Variants in ZFP57 observed in about 807,000 individuals in gnomAD.
The protein encoded by ZFP57 is ZFP57 zinc finger protein, also known as zinc finger protein 57 homolog.
Under a neutral mutation model 15.8 loss-of-function variants are expected in ZFP57, and 12 were observed. The ratio of observed to expected loss-of-function variants is 0.76; its 90% confidence interval spans 0.49 to 1.23. The LOEUF (loss-of-function observed/expected upper bound fraction) is 1.23. ZFP57 is among the 50% of genes most tolerant of loss of function. The probability of loss-of-function intolerance (pLI) is 0.00; values close to 1 mark genes in which losing one functional copy is unlikely to be tolerated. For synonymous variants in ZFP57, 203 were observed against 242.3 expected (o/e 0.84, Z 1.51); for missense variants, 536 against 654.9 (o/e 0.82, Z 1.98).
chr6:29,675,904 G>A (rs961664355), intron 3 of ZFP57, 29 bp downstream of exon 3: 5 of 1,612,954 alleles, frequency 3.1e-6, no homozygotes, highest in Non-Finnish European at 4.2e-6. Flanking sequence ...TAGGACAGGG[G>A]GCTTGCTGAG....
In ZFP57 at chr6:29,673,288, T is replaced by G; in HGVS notation, c.823A>C (p.Lys275Gln). Residue 275 changes from lysine to glutamine, a missense_variant, in exon 5 of 5, where the codon AAA becomes CAA. Coordinates refer to ENST00000376883, the MANE Select transcript of ZFP57 (RefSeq NM_001109809.5). This position sits in a 1 kb window ranked among gnomAD's most constrained non-coding sequence, Gnocchi z 4.7. ...TTTTGGTGTATCTTCTGGTGGCGTT[T>G]GAGCTCAGACTGGTCCCGGAAGCTC... Reference protein sequence around the residue: ...GKSFRDQSELKRHQKIHQNQE... With the variant: ...GKSFRDQSELQRHQKIHQNQE... The G allele has an allele frequency of 6.2e-7, 1 of 1,613,038 alleles. No individual in the cohort carries two copies. Among genetic ancestry groups the G allele is most frequent in the Non-Finnish European group, 8.5e-7 (1 of 1,180,034 alleles).
At position 29,673,078 on chromosome 6, in the gene ZFP57, C is replaced by G. The variant is rs200537697; in HGVS notation, c.1033G>C (p.Ala345Pro). ...RTEGPMAQNQ[A>P]SVLKNQAPVT... The stretch of plus-strand genomic sequence containing the variant: ...GGTGCTTGGTTCTTAAGTACAGATG[C>G]CTGGTTCTGGGCCATAGGACCCTCA... Residue 345 changes from alanine (A) to proline (P), a missense_variant, in exon 5 of 5, where the codon GCA (alanine) becomes CCA (proline). Transcript: ENST00000376883. This position sits in a 1 kb window ranked among gnomAD's most constrained non-coding sequence, Gnocchi z 4.7. 1.3e-3 allele frequency: 2,175 copies of G among 1,612,966 alleles called. 13 individuals carry two copies. Among genetic ancestry groups the G allele is most frequent in the Middle Eastern group, 0.012 (72 of 6,062 alleles).
intron 1 of ZFP57, among the ~76,000 whole-genome samples, chr6:29,679,915 A>C (rs988099843): frequency 1.5e-4 from 21 of 141,734 alleles, no homozygotes; most frequent in African/African-American, 2.9e-4. Flanking sequence ...ACAAACAAAA[A>C]AAAACGCCTT....
At chr6:29,675,845 A>G in intron 3 of ZFP57, 88 bp downstream of exon 3, 1 of 1,553,200 alleles carries the variant, frequency 6.4e-7, no homozygotes, top group Non-Finnish European at 8.9e-7. Context: ...AGTGAAACTA[A>G]TTGTAAGCTG....
chr6:29,673,148 C>T lies in ZFP57; in HGVS notation c.963G>A (p.Val321=). The T allele has an allele frequency of 1.9e-6, 3 of 1,612,950 alleles. No homozygotes were observed. Among genetic ancestry groups the T allele is most frequent in the Non-Finnish European group, 2.5e-6 (3 of 1,180,002 alleles). Residue 321 remains valine (V), a synonymous_variant, in exon 5 of 5, where the codon GTG becomes GTA. Transcript: ENST00000376883. This position sits in a 1 kb window ranked among gnomAD's most constrained non-coding sequence, Gnocchi z 4.7. ...SQRSIQGLLD[V]NHAPVARSQE... The stretch of plus-strand genomic sequence containing the variant: ...GGGACCTGGCCACTGGTGCATGGTT[C>T]ACATCCAAAAGCCCCTGGATGGACC...
Position 29,676,068 on chromosome 6 carries a change from A to G in ZFP57, c.124-9T>C. On this transcript the variant is annotated splice_polypyrimidine_tract_variant and intron_variant, in intron 2 of 4. Transcript: ENST00000376883. ...TCAAAGGTGACTGGCTTCTGGAAGA[A>G]CAGGAGAGACTCAAGAAGTTTATAT... The G allele has an allele frequency of 1.9e-6, 3 of 1,592,146 alleles. No homozygotes were observed. The highest frequency in any genetic ancestry group is 2.6e-6 in the Non-Finnish European group (3 of 1,168,516).
At position 29,673,637 on chromosome 6, in the gene ZFP57, C is replaced by A. The variant is rs764303925; in HGVS notation, c.474G>T (p.Gly158=). 1.2e-6 allele frequency: 2 copies of A among 1,612,650 alleles called. No homozygotes were observed. The highest frequency in any genetic ancestry group is 4.5e-5 in the East Asian group (2 of 44,894). ...AGQCPLSAPA[G]TMDRTRVLQA... ...GAAGCACCCGGGTCCTGTCCATAGT[C>A]CCAGCTGGGGCAGATAGGGGGCACT... is the stretch of plus-strand genomic sequence containing the variant. The change falls in exon 5 of 5, where the codon GGG becomes GGT. Residue 158 remains glycine, a synonymous_variant. Coordinates refer to ENST00000376883, the MANE Select transcript of ZFP57 (RefSeq NM_001109809.5). The surrounding 1 kb of genome is among the most constrained non-coding windows in gnomAD (Gnocchi z 4.7).
chr6:29,673,978 C>T lies in ZFP57; in HGVS notation c.353-220G>A, dbSNP rs994652944. Among the ~76,000 whole-genome samples, 1 of 152,028 alleles carries T rather than the reference C, an allele frequency of 6.6e-6. No individual in the cohort carries two copies. Among genetic ancestry groups the T allele is most frequent in the East Asian group, 1.9e-4 (1 of 5,166 alleles). Reference sequence around the variant, plus strand: ...GCGTCATGGCATCTGCCTGTAATCTCAGCTACTAGGGAGACTGAGGCAGGA... The same window carrying T: ...GCGTCATGGCATCTGCCTGTAATCTTAGCTACTAGGGAGACTGAGGCAGGA... On this transcript the variant is annotated intron_variant, in intron 4 of 4. Transcript: ENST00000376883. The surrounding 1 kb of genome is among the most constrained non-coding windows in gnomAD (Gnocchi z 4.7).
Position 29,673,838 on chromosome 6 carries a change from A to G in ZFP57, c.353-80T>C, listed in dbSNP as rs1269231168. 7.6e-6 allele frequency: 12 copies of G among 1,569,800 alleles called. No homozygotes were observed. Among genetic ancestry groups the G allele is most frequent in the Non-Finnish European group, 1.0e-5 (12 of 1,143,034 alleles). On this transcript the variant is annotated intron_variant, in intron 4 of 4. Coordinates refer to ENST00000376883, the MANE Select transcript of ZFP57 (RefSeq NM_001109809.5). The surrounding 1 kb of genome is among the most constrained non-coding windows in gnomAD (Gnocchi z 4.7). ...GCTTGGCATGGTGGCTCACACCTGT[A>G]ATCCCAGCACTTTGGGAGGCCGAGG...
chr6:29,675,045 C>T (rs1225140513), intron 4 of ZFP57, among the ~76,000 whole-genome samples: 1 of 150,842 alleles, frequency 6.6e-6, no homozygotes, highest in African/African-American at 2.4e-5. Flanking sequence ...CCCAGCTACT[C>T]GAGAGGCTGA....
At chr6:29,676,096 A>ATGTGTGTGTGTGTG in intron 2 of ZFP57, 37 bp from the exon 3 acceptor site, 7 of 1,066,842 alleles carry the variant, frequency 6.6e-6, no homozygotes, top group Non-Finnish European at 9.0e-6. Flanking sequence ...GTTTATATAA[A>ATGTGTGTGTGTGTG]TATATATGTG....
At chr6:29,674,395 T>C (rs1171875236) in intron 4 of ZFP57, among the ~76,000 whole-genome samples, 1 of 152,214 alleles carries the variant, frequency 6.6e-6, no homozygotes, top group Non-Finnish European at 1.5e-5. Flanking sequence ...AATTGGCTTT[T>C]CAAATTAGAA....
chr6:29,676,100 A>G lies in ZFP57; in HGVS notation c.124-41T>C, dbSNP rs2535240. On this transcript the variant is annotated intron_variant, in intron 2 of 4. Coordinates refer to ENST00000376883, the MANE Select transcript of ZFP57 (RefSeq NM_001109809.5). ...AGACTCAAGAAGTTTATATAAATAT[A>G]TATGTGTGTGTGTGTGTGTGTGTGT... 195,058 of 1,257,214 alleles carry G rather than the reference A, an allele frequency of 0.16. 22,036 individuals are homozygous for G. The highest frequency in any genetic ancestry group is 0.32 in the East Asian group (12,592 of 39,174). 77.9% of individuals were successfully genotyped at this position (1,257,214 alleles called of 1,614,324 possible).
At chr6:29,680,711 T>C (rs1234300917) in intron 1 of ZFP57, among the ~76,000 whole-genome samples, 4 of 152,202 alleles carry the variant, frequency 2.6e-5, no homozygotes, top group African/African-American at 9.6e-5. Context: ...AGCAGGCGCT[T>C]GTTAGCACCC....
At chr6:29,678,229 TC>T (rs1325807302) in intron 1 of ZFP57, among the ~76,000 whole-genome samples, 1 of 152,138 alleles carries the variant, frequency 6.6e-6, no homozygotes, top group Non-Finnish European at 1.5e-5. Flanking sequence ...GATAAACAAT[TC>T]CTAAGTTTTA....
At chr6:29,676,102 A>ATG (rs9280638) in intron 2 of ZFP57, 43 bp from the exon 3 acceptor site, 19,517 of 1,262,926 alleles carry the variant, frequency 0.015, 260 homozygotes, top group African/African-American at 0.076. Flanking sequence ...ATAAATATAT[A>ATG]TGTGTGTGTG....
At chr6:29,677,765 T>TTA (rs1772145497) in intron 1 of ZFP57, among the ~76,000 whole-genome samples, 1 of 56,164 alleles carries the variant, frequency 1.8e-5, no homozygotes, top group Non-Finnish European at 3.6e-5. Flanking sequence ...ATGACCAAAA[T>TTA]TATACACACA....
At chr6:29,676,124 GT>G in intron 2 of ZFP57, 65 bp from the exon 3 acceptor site, 1 of 1,453,598 alleles carries the variant, frequency 6.9e-7, no homozygotes, top group Non-Finnish European at 9.5e-7. Context: ...GTGTGTGTGT[GT>G]ACAAGATTAA....
downstream of ZFP57, chr6:29,672,418 C>T: frequency 6.6e-7 from 1 of 1,514,402 alleles, no homozygotes; most frequent in African/African-American, 1.4e-5. Flanking sequence ...GCACCTGTCT[C>T]CCTCTACTCC....
Sources: allele counts gnomAD v4.1 joint callset (sites outside exome capture counted in the v4.1 genomes callset), GRCh38; gene constraint gnomAD v4.1.1; non-coding constraint Gnocchi (gnomAD v3.1); transcripts MANE v1.5; gene names NCBI Gene and HGNC (gene_info 2026-07-23, HGNC 2026-07-21).